C4orf50: variants seen among roughly 807,000 people sequenced by gnomAD.
C4orf50 encodes the protein chromosome 4 open reading frame 50.
In C4orf50, 80 loss-of-function variants were observed where a neutral mutation model predicts 77.2. That is an observed-to-expected ratio of 1.04 (90% CI 0.87 to 1.25). The LOEUF (loss-of-function observed/expected upper bound fraction) is 1.25. C4orf50 is among the 50% of genes most tolerant of loss of function. The probability of loss-of-function intolerance (pLI) is 0.00; values close to 1 mark genes in which losing one functional copy is unlikely to be tolerated. For missense variants in C4orf50, 1,257 were observed against 1,152.9 expected, an observed-to-expected ratio of 1.09 and a Z score of -1.31; for synonymous variants, 532 against 465.3, an observed-to-expected ratio of 1.14 and a Z score of -1.84.
intron 24 of C4orf50, among the ~76,000 whole-genome samples, chr4:6,010,100 G>A (rs891295588): frequency 6.6e-6 from 1 of 152,110 alleles, no homozygotes; most frequent in Non-Finnish European, 1.5e-5. Flanking sequence ...TCATTACAGG[G>A]CTGGGTCCAA....
Position 5,959,174 on chromosome 4 carries a change from A to G in C4orf50, c.*201T>C, listed in dbSNP as rs889945208. The G allele has an allele frequency of 4.9e-6, 3 of 612,346 alleles. No individual in the cohort carries two copies. In the African/African-American group the frequency reaches 5.5e-5, roughly 11 times the overall value. The allele number at this position is 612,346 out of a possible 1,614,324, so 37.9% of individuals were successfully genotyped here. ...TGCTGCCTTGACATTGCCAAAGCCAAACTCCTCAGAATTTGCCAGGCACAG... is the reference window on the plus strand; with the variant it reads ...TGCTGCCTTGACATTGCCAAAGCCAGACTCCTCAGAATTTGCCAGGCACAG... On this transcript the variant is annotated 3_prime_UTR_variant, in exon 34 of 34. Coordinates refer to ENST00000531445, the Ensembl canonical transcript of C4orf50.
rs1301134787 is a variant in C4orf50, at chr4:5,932,815, T to A, written c.*2474+24086A>T. Among the ~76,000 whole-genome samples the A allele has an allele frequency of 6.6e-6, 1 of 152,182 alleles. No individual in the cohort carries two copies. Among genetic ancestry groups the A allele is most frequent in the Non-Finnish European group, 1.5e-5 (1 of 68,028 alleles). On this transcript the variant is annotated intron_variant, in intron 7 of 7. Coordinates refer to the C4orf50 transcript ENST00000324058. The surrounding 1 kb of genome is among the most constrained non-coding windows in gnomAD (Gnocchi z 4.2). ...GAAATAGAAGGCATCTTTTTTGAAC[T>A]TCAGTTTCCTTCTGCACAGAGGAGA...
chr4:5,934,296 G>A (rs1279172523), intron 7 of C4orf50, among the ~76,000 whole-genome samples: 23 of 152,064 alleles, frequency 1.5e-4, no homozygotes, highest in Admixed American at 1.2e-3. Flanking sequence ...CCAGGTCCTC[G>A]CTGTTGTTGT....
chr4:6,004,039 A>ATAG (rs1481712573), intron 25 of C4orf50, among the ~76,000 whole-genome samples: 12 of 20,250 alleles, frequency 5.9e-4, no homozygotes, highest in Admixed American at 1.1e-3. Flanking sequence ...GATAGTGATG[A>ATAG]TGGTGATGGT....
rs1350930422 is a variant in C4orf50, at chr4:5,905,900, T to C, written c.*2475-7712A>G. On this transcript the variant is annotated intron_variant, in intron 7 of 7. Transcript: ENST00000324058. This position sits in a 1 kb window ranked among gnomAD's most constrained non-coding sequence, Gnocchi z 5.4. ...GACACCTGCTGTGTGGTAATCTCTATGCTAAGCACGGGGGCAGGGGGGCGG... is the reference window on the plus strand; with the variant it reads ...GACACCTGCTGTGTGGTAATCTCTACGCTAAGCACGGGGGCAGGGGGGCGG... Among the ~76,000 whole-genome samples, 1 of 138,322 alleles carries C rather than the reference T, an allele frequency of 7.2e-6. No homozygotes were observed. Among genetic ancestry groups the C allele is most frequent in the East Asian group, 2.0e-4 (1 of 4,880 alleles). 90.7% of individuals were successfully genotyped at this position (138,322 alleles called of 152,430 possible).
At chr4:5,917,891 C>T (rs1271761999) in intron 7 of C4orf50, among the ~76,000 whole-genome samples, 1 of 152,082 alleles carries the variant, frequency 6.6e-6, no homozygotes, top group Non-Finnish European at 1.5e-5. Flanking sequence ...CCAGGCCAAG[C>T]AGGGGCCCAG....
At chr4:5,975,920 C>A (rs147474906) in exon 30 of C4orf50, 1 of 1,613,948 alleles carries the variant, frequency 6.2e-7, no homozygotes. Flanking sequence ...TCACTGCCAA[C>A]TTTGCTTCAT....
intron 23 of C4orf50, among the ~76,000 whole-genome samples, chr4:6,012,492 A>C (rs1190467119): frequency 6.6e-6 from 1 of 152,184 alleles, no homozygotes; most frequent in African/African-American, 2.4e-5. Context: ...CATTCTTATA[A>C]ACCTAAGGAA....
Position 5,958,847 on chromosome 4 carries a change from A to G in C4orf50, c.*528T>C, listed in dbSNP as rs1422539771. The G allele has an allele frequency of 6.6e-6, 1 of 151,284 alleles. No individual in the cohort carries two copies. The highest frequency in any genetic ancestry group is 2.5e-5 in the African/African-American group (1 of 40,260). The allele number at this position is 151,284 out of a possible 1,614,324, so 9.4% of individuals were successfully genotyped here. A position where few individuals can be genotyped will look rare whatever the true frequency, so the allele number is the denominator to read the frequency against. On this transcript the variant is annotated 3_prime_UTR_variant, in exon 34 of 34. Coordinates refer to ENST00000531445, the Ensembl canonical transcript of C4orf50. This position sits in a 1 kb window ranked among gnomAD's most constrained non-coding sequence, Gnocchi z 5.4. ...ACCCCGGGGGCAGAGAAAAAACAAA[A>G]CAAAACAATTCTCCATGGCTGATCT... is the stretch of plus-strand genomic sequence containing the variant.
chr4:5,989,345 A>T, exon 28 of C4orf50: 2 of 1,535,932 alleles, frequency 1.3e-6, no homozygotes, highest in Non-Finnish European at 1.7e-6. Flanking sequence ...GCTTCATCCC[A>T]ATGAGGCAGT....
At chr4:6,001,274 C>T (rs1334139830) in intron 25 of C4orf50, among the ~76,000 whole-genome samples, 1 of 152,148 alleles carries the variant, frequency 6.6e-6, no homozygotes, top group Non-Finnish European at 1.5e-5. Flanking sequence ...CTCAGCCTCC[C>T]GAGTAGCTGG....
Position 5,919,734 on chromosome 4 carries a change from C to T in C4orf50, c.*2475-21546G>A, listed in dbSNP as rs757824015. On this transcript the variant is annotated intron_variant, in intron 7 of 7. Coordinates refer to the C4orf50 transcript ENST00000324058. This position sits in a 1 kb window ranked among gnomAD's most constrained non-coding sequence, Gnocchi z 6.5. ...CCTACTGGGCCCTGGAGGGACCACA[C>T]CAGCTGAAACCGCTGCCATGGCAGA... Among the ~76,000 whole-genome samples the T allele has an allele frequency of 6.6e-6, 1 of 152,134 alleles. No individual in the cohort carries two copies. Among genetic ancestry groups the T allele is most frequent in the Non-Finnish European group, 1.5e-5 (1 of 68,032 alleles).
exon 31 of C4orf50, chr4:5,973,693 T>C: frequency 6.2e-7 from 1 of 1,613,862 alleles, no homozygotes; most frequent in Non-Finnish European, 8.5e-7. Flanking sequence ...GGTGGCCGTG[T>C]ACTCAGCCAG....
At chr4:5,930,753 A>T (rs1278106100) in intron 7 of C4orf50, among the ~76,000 whole-genome samples, 1 of 152,204 alleles carries the variant, frequency 6.6e-6, no homozygotes, top group Non-Finnish European at 1.5e-5. Flanking sequence ...TGTTGCACTC[A>T]ACTCCAGTGT....
exon 28 of C4orf50, chr4:5,988,574 G>C: frequency 1.3e-6 from 2 of 1,536,702 alleles, no homozygotes; most frequent in Non-Finnish European, 1.7e-6. Context: ...CCTGCAGCCA[G>C]ACTCATTTCC....
chr4:5,938,961 G>A (rs1718151134), intron 7 of C4orf50, among the ~76,000 whole-genome samples: 2 of 152,248 alleles, frequency 1.3e-5, no homozygotes, highest in Admixed American at 1.3e-4. Flanking sequence ...AGAAATGGGG[G>A]CAGGGCTCAG....
chr4:6,002,304 G>C lies in C4orf50; in HGVS notation c.963+5692C>G, dbSNP rs1012104187. On this transcript the variant is annotated intron_variant, in intron 25 of 33. Coordinates refer to ENST00000531445, the Ensembl canonical transcript of C4orf50. ...CAGAAGCTGGGTGTGGCAAGGAGCA[G>C]ACTGTCCCCTAGAGCCTCAGGAGGA... Among the ~76,000 whole-genome samples the C allele has an allele frequency of 2.0e-5, 3 of 152,204 alleles. No individual in the cohort carries two copies. In the South Asian group the frequency reaches 6.2e-4, roughly 32 times the overall value.
chr4:5,996,594 T>C (rs1235275692), intron 25 of C4orf50, among the ~76,000 whole-genome samples: 1 of 152,180 alleles, frequency 6.6e-6, no homozygotes, highest in Non-Finnish European at 1.5e-5. Context: ...GGCCGATCTT[T>C]AATGAGGCCT....
At chr4:5,939,521 A>G (rs28690642) in intron 7 of C4orf50, among the ~76,000 whole-genome samples, 108,560 of 152,072 alleles carry the variant, frequency 0.71, 39,835 homozygotes, top group Non-Finnish European at 0.77. Flanking sequence ...CGGCTGCTCC[A>G]GCAGAGCCTC....
Sources: gnomAD v4.1 joint callset for allele counts (sites outside exome capture counted in the v4.1 genomes callset) on GRCh38, gnomAD v4.1.1 for gene constraint, Gnocchi (gnomAD v3.1) non-coding constraint, MANE v1.5 for transcripts, NCBI Gene and HGNC (gene_info 2026-07-23, HGNC 2026-07-21) for gene names.